Variants in NCS1 observed in about 807,000 individuals in gnomAD.
NCS1 encodes the protein neuronal calcium sensor 1.
In NCS1, 6 loss-of-function variants were observed where a neutral mutation model predicts 28.4. The ratio of observed to expected loss-of-function variants is 0.21; its 90% CI spans 0.12 to 0.42. The LOEUF is 0.42. Ranked by LOEUF, NCS1 falls within the 10% of genes least tolerant of loss-of-function variation. The pLI, the probability that NCS1 is intolerant of heterozygous loss-of-function variation, is 1.00. For missense variants in NCS1, 131 were observed against 241.4 expected (o/e 0.54, Z 3.03); for synonymous variants, 86 against 99.3 (o/e 0.87, Z 0.79).
rs1554904157 is a variant in NCS1, at chr9:130,172,543, A to C, written c.-121A>C. The stretch of plus-strand genomic sequence containing the variant: ...GGCGCCCCGGCGCCGACAGCCGCGC[A>C]GCGCAGCGCGGGCGCCGCAGACAAA... On this transcript the variant is annotated 5_prime_UTR_variant, in exon 1 of 8. Coordinates refer to ENST00000372398, the MANE Select transcript of NCS1 (RefSeq NM_014286.4). The C allele has an allele frequency of 6.2e-6, 2 of 320,752 alleles. No individual in the cohort carries two copies. The highest frequency in any genetic ancestry group is 8.8e-6 in the Non-Finnish European group (2 of 226,262). The allele number at this position is 320,752 out of a possible 1,614,324, so 19.9% of individuals were successfully genotyped here.
chr9:130,204,247 T>G (rs1168556045), intron 2 of NCS1, among the ~76,000 whole-genome samples: 1 of 152,052 alleles, frequency 6.6e-6, no homozygotes, highest in Admixed American at 6.6e-5. Context: ...TCTGCCCTCC[T>G]CGGCCTCCCA....
chr9:130,218,058 T>C lies in NCS1; in HGVS notation c.228+88T>C, dbSNP rs1314519457. 2.6e-6 allele frequency: 4 copies of C among 1,549,054 alleles called. No individual in the cohort carries two copies. In the Admixed American group the frequency reaches 5.0e-5, roughly 19 times the overall value. The stretch of plus-strand genomic sequence containing the variant: ...CTCCACACCCACTCTCTCCTGCCGA[T>C]GTTCCCTTCTAGAGAAGGAACACAC... On this transcript the variant is annotated intron_variant, in intron 3 of 7. Coordinates refer to ENST00000372398, the MANE Select transcript of NCS1 (RefSeq NM_014286.4).
At chr9:130,229,529 A>G (rs1243875863) in intron 7 of NCS1, among the ~76,000 whole-genome samples, 1 of 152,118 alleles carries the variant, frequency 6.6e-6, no homozygotes, top group Non-Finnish European at 1.5e-5. Context: ...CTGGGATTAC[A>G]GGTGTGGGCC....
rs141115587 is a variant in NCS1, at chr9:130,180,262, A to G, written c.64+7535A>G. On this transcript the variant is annotated intron_variant, in intron 1 of 7. Coordinates refer to ENST00000372398, the MANE Select transcript of NCS1 (RefSeq NM_014286.4). The surrounding 1 kb of genome is among the most constrained non-coding windows in gnomAD (Gnocchi z 4.5). The stretch of plus-strand genomic sequence containing the variant: ...TTGGCCAGGTTGGTCTCAAACTCCT[A>G]GCCTCAAGTGGTGCACCCACCTTGG... 2.7e-3 allele frequency among the ~76,000 whole-genome samples: 412 copies of G among 152,078 alleles called. 4 individuals are homozygous for G. Among genetic ancestry groups the G allele is most frequent in the African/African-American group, 9.4e-3 (390 of 41,480 alleles).
intron 2 of NCS1, among the ~76,000 whole-genome samples, chr9:130,205,095 G>T (rs1391147747): frequency 6.6e-6 from 1 of 152,130 alleles, no homozygotes; most frequent in Non-Finnish European, 1.5e-5. Flanking sequence ...CAAGGTGGGG[G>T]CCTCGTTAGG....
chr9:130,173,446 T>C (rs1554904317), intron 1 of NCS1, among the ~76,000 whole-genome samples: 1 of 152,150 alleles, frequency 6.6e-6, no homozygotes, highest in Non-Finnish European at 1.5e-5. Flanking sequence ...AGCCTCAGTG[T>C]GTCTCCCTCC....
intron 1 of NCS1, among the ~76,000 whole-genome samples, chr9:130,195,770 G>A (rs1374793676): frequency 2.0e-5 from 3 of 152,244 alleles, no homozygotes; most frequent in Non-Finnish European, 4.4e-5. Context: ...GGTGGAACGG[G>A]TGAGGTGAGG....
intron 1 of NCS1, among the ~76,000 whole-genome samples, chr9:130,174,575 C>T (rs1832534372): frequency 6.6e-6 from 1 of 152,268 alleles, no homozygotes; most frequent in African/African-American, 2.4e-5. Flanking sequence ...TGGCTCACGC[C>T]TGTAATCCCA....
chr9:130,209,312 T>A lies in NCS1; in HGVS notation c.89+8330T>A, dbSNP rs185492835. ...CCTCCCAGCAGGATCCCAGAGGACA[T>A]GAGTCTGCAGGAACTGAGAGTGGCA... On this transcript the variant is annotated intron_variant, in intron 2 of 7. Transcript: ENST00000372398. This position sits in a 1 kb window ranked among gnomAD's most constrained non-coding sequence, Gnocchi z 4.4. Among the ~76,000 whole-genome samples the A allele has an allele frequency of 1.5e-4, 23 of 152,212 alleles. No individual in the cohort carries two copies. The highest frequency in any genetic ancestry group is 1.1e-3 in the Admixed American group (17 of 15,294).
rs1554908435 is a variant in NCS1 at position 130,209,105 on chromosome 9, G to C, written c.89+8123G>C. 6.6e-6 allele frequency among the ~76,000 whole-genome samples: 1 copy of C among 152,202 alleles called. No homozygotes were observed. Among genetic ancestry groups the C allele is most frequent in the African/African-American group, 2.4e-5 (1 of 41,446 alleles). ...GGCATGCCACTGGAGAGAGTTGTTTGAAGAGATAATGGGAGAATAATTTGC... is the reference window on the plus strand; with the variant it reads ...GGCATGCCACTGGAGAGAGTTGTTTCAAGAGATAATGGGAGAATAATTTGC... On this transcript the variant is annotated intron_variant, in intron 2 of 7. Coordinates refer to ENST00000372398, the MANE Select transcript of NCS1 (RefSeq NM_014286.4). The surrounding 1 kb of genome is among the most constrained non-coding windows in gnomAD (Gnocchi z 4.4).
chr9:130,222,355 G>A (rs782670601), intron 4 of NCS1, among the ~76,000 whole-genome samples: 7 of 151,822 alleles, frequency 4.6e-5, no homozygotes, highest in Non-Finnish European at 7.4e-5. Context: ...GTTTTGCCAT[G>A]TTGTCCAGGC....
rs140709325 is a variant in NCS1, at chr9:130,218,038, C to T, written c.228+68C>T. On this transcript the variant is annotated intron_variant, in intron 3 of 7. Coordinates refer to ENST00000372398, the MANE Select transcript of NCS1 (RefSeq NM_014286.4). ...CCTGTGGGTACCCGCAGCGTCTCCA[C>T]ACCCACTCTCTCCTGCCGATGTTCC... The T allele has an allele frequency of 3.0e-4, 471 of 1,589,568 alleles. 2 individuals carry two copies. In the African/African-American group the frequency reaches 5.4e-3, roughly 18 times the overall value.
chr9:130,229,213 AT>A lies in NCS1; in HGVS notation c.*17+2711del, dbSNP rs200679578. 5.0e-3 allele frequency among the ~76,000 whole-genome samples: 762 copies of A among 152,202 alleles called. 9 individuals are homozygous for A. The highest frequency in any genetic ancestry group is 0.038 in the East Asian group (196 of 5,184). On this transcript the variant is annotated intron_variant, in intron 7 of 7. Transcript: ENST00000372398. ...ACTCAGTAAACTGAGTCACACAGAAATTATATAATTAAAACCAATTTATAAA... is the reference window on the plus strand; with the variant it reads ...ACTCAGTAAACTGAGTCACACAGAAATATATAATTAAAACCAATTTATAAA...
intron 1 of NCS1, chr9:130,200,362 C>G (rs62585969): frequency 0.29 from 168,307 of 576,116 alleles, 27,069 homozygotes; most frequent in Admixed American, 0.37. Context: ...GGCTCAGCCG[C>G]TCTCTGTAGC....
At chr9:130,210,847 T>TC (rs202068255) in intron 2 of NCS1, among the ~76,000 whole-genome samples, 1 of 151,238 alleles carries the variant, frequency 6.6e-6, no homozygotes, top group Non-Finnish European at 1.5e-5. Context: ...TCTTTTCTTT[T>TC]TTTTTTTTTG....
At chr9:130,199,897 G>GTTCATTCATTCATTCATTCATTCATTCA (rs71499223) in intron 1 of NCS1, among the ~76,000 whole-genome samples, 2 of 150,506 alleles carry the variant, frequency 1.3e-5, no homozygotes, top group African/African-American at 4.9e-5. Context: ...CTGTTCATGT[G>GTTCATTCATTCATTCATTCATTCATTCA]TTCATTCATT....
Position 130,191,293 on chromosome 9 carries a change from G to A in NCS1, c.65-9665G>A, listed in dbSNP as rs1454776067. On this transcript the variant is annotated intron_variant, in intron 1 of 7. Coordinates refer to ENST00000372398, the MANE Select transcript of NCS1 (RefSeq NM_014286.4). The surrounding 1 kb of genome is among the most constrained non-coding windows in gnomAD (Gnocchi z 6.4). ...GGAGAGCCAGGCCTGGGTGCAGAGCGGTGAAGAGCAGCTCCCGGGAGCTGG... is the reference window on the plus strand; with the variant it reads ...GGAGAGCCAGGCCTGGGTGCAGAGCAGTGAAGAGCAGCTCCCGGGAGCTGG... Among the ~76,000 whole-genome samples, 3 of 152,132 alleles carry A rather than the reference G, an allele frequency of 2.0e-5. No individual in the cohort carries two copies. The highest frequency in any genetic ancestry group is 1.9e-4 in the East Asian group (1 of 5,170).
chr9:130,200,751 C>T, intron 1 of NCS1: 2 of 1,409,324 alleles, frequency 1.4e-6, no homozygotes, highest in Non-Finnish European at 2.0e-6. Flanking sequence ...GGGGTGGGGC[C>T]AGTGTCCCCT....
chr9:130,195,515 C>G (rs1036132142), intron 1 of NCS1, among the ~76,000 whole-genome samples: 3 of 152,092 alleles, frequency 2.0e-5, no homozygotes, highest in Admixed American at 6.5e-5. Flanking sequence ...CCTCTGCCTC[C>G]TGGGTTCCAG....
Sources: allele counts gnomAD v4.1 joint callset (sites outside exome capture counted in the v4.1 genomes callset), GRCh38; gene constraint gnomAD v4.1.1; non-coding constraint Gnocchi (gnomAD v3.1); transcripts MANE v1.5; gene names NCBI Gene and HGNC (gene_info 2026-07-23, HGNC 2026-07-21).